ZNF532: variants seen among roughly 807,000 people sequenced by gnomAD.
ZNF532 encodes the protein zinc finger protein 532.
ZNF532 carries 22 observed loss-of-function variants against 89.3 expected under a neutral mutation model. The ratio of observed to expected loss-of-function variants is 0.25; its 90% CI spans 0.18 to 0.35. The LOEUF (loss-of-function observed/expected upper bound fraction) is 0.35. ZNF532 is among the 10% of genes least tolerant of loss of function. ZNF532 has a pLI of 1.00. For synonymous variants in ZNF532, 606 were observed against 649.6 expected (o/e 0.93, Z 1.02); for missense variants, 1,132 against 1,643.4 (o/e 0.69, Z 5.38).
At chr18:58,887,884 C>A (rs537091809) in intron 2 of ZNF532, among the ~76,000 whole-genome samples, 4 of 152,250 alleles carry the variant, frequency 2.6e-5, no homozygotes, top group African/African-American at 9.6e-5. Flanking sequence ...TCCCTGCGTC[C>A]CCCGGGGCAG....
rs768721292 is a variant in ZNF532, at chr18:58,919,079, C to T, written c.792C>T (p.Ser264=). The change falls in exon 3 of 10, where the codon TCC becomes TCT. Residue 264 remains serine (S), a synonymous_variant. Transcript: ENST00000591808. The surrounding 1 kb of genome is among the most constrained non-coding windows in gnomAD (Gnocchi z 6.1). ...PSVAPSKTKS[S]SKLSSCIAAI... Reference sequence around the variant, plus strand: ...TTGCGCCATCAAAGACAAAGTCGTCCTCCAAGCTCTCGTCCTGCATCGCTG... The same window carrying T: ...TTGCGCCATCAAAGACAAAGTCGTCTTCCAAGCTCTCGTCCTGCATCGCTG... The T allele has an allele frequency of 3.1e-6, 5 of 1,614,192 alleles. No homozygotes were observed. Among genetic ancestry groups the T allele is most frequent in the African/African-American group, 1.3e-5 (1 of 75,062 alleles).
At chr18:58,916,794 C>A in intron 2 of ZNF532, 1 of 890,042 alleles carries the variant, frequency 1.1e-6, no homozygotes, top group Non-Finnish European at 1.3e-6. Flanking sequence ...TTTTCTCAGG[C>A]ATGTGTATTC....
At chr18:58,889,234 T>TA (rs1568250250) in intron 2 of ZNF532, among the ~76,000 whole-genome samples, 1 of 152,020 alleles carries the variant, frequency 6.6e-6, no homozygotes, top group African/African-American at 2.4e-5. Flanking sequence ...AGTTAACACA[T>TA]AGAGTTAAAA....
At chr18:58,975,604 T>C (rs974669636) in intron 7 of ZNF532, among the ~76,000 whole-genome samples, 1 of 152,196 alleles carries the variant, frequency 6.6e-6, no homozygotes, top group South Asian at 2.1e-4. Context: ...ACGCCTAGCA[T>C]AGTCACTGGA....
intron 9 of ZNF532, 26 bp downstream of exon 9, chr18:58,981,643 A>G: frequency 6.2e-7 from 1 of 1,613,262 alleles, no homozygotes; most frequent in South Asian, 1.1e-5. Context: ...TGTTTGCTTT[A>G]CAGTGAAATT....
At chr18:58,954,035 T>C in intron 7 of ZNF532, 3 of 985,342 alleles carry the variant, frequency 3.0e-6, no homozygotes, top group East Asian at 1.1e-4. Flanking sequence ...CTGGTGTGCA[T>C]GAATGTGGTA....
chr18:58,908,865 C>T (rs2060104947), intron 2 of ZNF532, among the ~76,000 whole-genome samples: 2 of 152,186 alleles, frequency 1.3e-5, no homozygotes. Context: ...CCAGCATTTG[C>T]TATGTGCATT....
intron 3 of ZNF532, chr18:58,932,602 C>G (rs1011328317): frequency 1.3e-5 from 2 of 152,124 alleles, no homozygotes; most frequent in Non-Finnish European, 2.9e-5. Flanking sequence ...CTCCTCGATT[C>G]CAGTTCAAAT....
At chr18:58,983,838 A>G (rs1203765059) in intron 9 of ZNF532, 134 bp from the exon 10 acceptor site, 1 of 1,114,132 alleles carries the variant, frequency 9.0e-7, no homozygotes, top group Non-Finnish European at 1.3e-6. Flanking sequence ...TGGCAGACAC[A>G]GCTTTAAAGC....
chr18:58,958,369 C>T (rs568893238), intron 7 of ZNF532, among the ~76,000 whole-genome samples: 1 of 152,256 alleles, frequency 6.6e-6, no homozygotes, highest in South Asian at 2.1e-4. Flanking sequence ...TTAAGAAGTT[C>T]TTGTTACAAA....
intron 6 of ZNF532, among the ~76,000 whole-genome samples, chr18:58,950,228 T>A (rs1263412244): frequency 6.6e-6 from 1 of 152,204 alleles, no homozygotes; most frequent in Non-Finnish European, 1.5e-5. Flanking sequence ...AGGGTCTTCC[T>A]TGTGTTAATA....
At chr18:58,963,680 G>A (rs994624365) in intron 7 of ZNF532, among the ~76,000 whole-genome samples, 8 of 151,404 alleles carry the variant, frequency 5.3e-5, no homozygotes, top group Admixed American at 1.3e-4. Flanking sequence ...CCACTTGGCC[G>A]GGTGCAGTGG....
intron 7 of ZNF532, among the ~76,000 whole-genome samples, chr18:58,955,325 A>G (rs2064657263): frequency 1.3e-5 from 2 of 152,230 alleles, no homozygotes; most frequent in Non-Finnish European, 2.9e-5. Context: ...CATGAGGAAC[A>G]TAATACCAGC....
chr18:58,908,961 G>GT lies in ZNF532; in HGVS notation c.-17-9302dup, dbSNP rs905170626. Among the ~76,000 whole-genome samples the GT allele has an allele frequency of 2.6e-4, 39 of 152,064 alleles. No individual in the cohort carries two copies. The South Asian group carries it at 4.4e-3, about 17-fold the overall frequency. On this transcript the variant is annotated intron_variant, in intron 2 of 9. Transcript: ENST00000591808. ...GGTTTGTGAAATGCTGCCTGAAGATGTTTTTTTTGGAGATGGAGTTTCGCT... is the reference window on the plus strand; with the variant it reads ...GGTTTGTGAAATGCTGCCTGAAGATGTTTTTTTTTGGAGATGGAGTTTCGCT...
chr18:58,879,315 G>A (rs2057695811), intron 2 of ZNF532, among the ~76,000 whole-genome samples: 1 of 152,232 alleles, frequency 6.6e-6, no homozygotes, highest in South Asian at 2.1e-4. Context: ...AATTAAATGA[G>A]TAGAGTCAAT....
At chr18:58,960,388 A>G (rs1349549064) in intron 7 of ZNF532, among the ~76,000 whole-genome samples, 3 of 152,172 alleles carry the variant, frequency 2.0e-5, no homozygotes, top group Non-Finnish European at 2.9e-5. Context: ...GAGATTGCAA[A>G]TATATGCATG....
At chr18:58,956,942 T>C (rs2064841294) in intron 7 of ZNF532, among the ~76,000 whole-genome samples, 1 of 152,204 alleles carries the variant, frequency 6.6e-6, no homozygotes, top group African/African-American at 2.4e-5. Flanking sequence ...TCGTGTACAG[T>C]ATATATACAG....
chr18:58,942,341 C>CCCTT (rs1397822917), intron 5 of ZNF532, among the ~76,000 whole-genome samples: 55 of 71,652 alleles, frequency 7.7e-4, no homozygotes, highest in Admixed American at 1.8e-3. Context: ...CTCCCTCCCT[C>CCCTT]CCTCCCTCCC....
intron 2 of ZNF532, among the ~76,000 whole-genome samples, chr18:58,883,332 G>A (rs17694721): frequency 0.22 from 34,101 of 152,096 alleles, 4,414 homozygotes; most frequent in Middle Eastern, 0.41. Flanking sequence ...CTGTGTTTCA[G>A]AATTCCAAAA....
Sources: allele counts gnomAD v4.1 joint callset (sites outside exome capture counted in the v4.1 genomes callset), GRCh38; gene constraint gnomAD v4.1.1; non-coding constraint Gnocchi (gnomAD v3.1); transcripts MANE v1.5; gene names NCBI Gene and HGNC (gene_info 2026-07-23, HGNC 2026-07-21).